Variants in LARS2 observed in about 807,000 individuals in gnomAD.
The protein encoded by LARS2 is leucine--tRNA ligase, mitochondrial.
Under a neutral mutation model 116.6 loss-of-function variants are expected in LARS2, and 81 were observed. That is an observed-to-expected ratio of 0.69 (90% CI 0.58 to 0.84). The LOEUF is 0.84. Among genes scored for constraint, LARS2 ranks in the 40% least tolerant of loss-of-function variants. The pLI is 0.00. For missense variants in LARS2, 968 were observed against 1,114.5 expected, an observed-to-expected ratio of 0.87 and a Z score of 1.87; for synonymous variants, 396 against 407.2, an observed-to-expected ratio of 0.97 and a Z score of 0.33.
At chr3:45,402,496 A>C (rs527245225) in intron 4 of LARS2, among the ~76,000 whole-genome samples, 1 of 152,298 alleles carries the variant, frequency 6.6e-6, no homozygotes, top group Non-Finnish European at 1.5e-5. Flanking sequence ...GCTACTATGA[A>C]CCTGTCAGGG....
intron 4 of LARS2, among the ~76,000 whole-genome samples, chr3:45,403,355 TG>T (rs1475632418): frequency 6.6e-6 from 1 of 151,858 alleles, no homozygotes; most frequent in Non-Finnish European, 1.5e-5. Context: ...TCGCTCTTGT[TG>T]CCCAGGCTGG....
In LARS2 at chr3:45,466,730, T is replaced by C. The variant is rs374969053; in HGVS notation, c.751-7513T>C. Among the ~76,000 whole-genome samples, 3 of 152,094 alleles carry C rather than the reference T, an allele frequency of 2.0e-5. No individual in the cohort carries two copies. The East Asian group carries it at 5.8e-4, about 29-fold the overall frequency. On this transcript the variant is annotated intron_variant, in intron 8 of 21. Coordinates refer to ENST00000645846, the MANE Select transcript of LARS2 (RefSeq NM_015340.4). ...GTCCTGCCTTCTTTTTTATTATTAT[T>C]ATTTGAGACCGAATCTCACTCTGTC...
intron 6 of LARS2, among the ~76,000 whole-genome samples, chr3:45,438,689 G>C (rs943833158): frequency 3.4e-5 from 5 of 148,528 alleles, no homozygotes; most frequent in African/African-American, 9.9e-5. Flanking sequence ...AAAAATTTTA[G>C]CCAGGCATGG....
At chr3:45,536,618 GAA>G (rs1182256239) in intron 20 of LARS2, among the ~76,000 whole-genome samples, 3 of 152,248 alleles carry the variant, frequency 2.0e-5, no homozygotes, top group Non-Finnish European at 4.4e-5. Context: ...AGCTTCGGGA[GAA>G]AAGTGCCTAC....
At chr3:45,531,567 A>G (rs1700615686) in intron 20 of LARS2, among the ~76,000 whole-genome samples, 1 of 150,998 alleles carries the variant, frequency 6.6e-6, no homozygotes, top group African/African-American at 2.4e-5. Context: ...TTCTTTTTAT[A>G]GAGATGGTGT....
At chr3:45,500,116 C>A (rs1700094260) in intron 14 of LARS2, among the ~76,000 whole-genome samples, 1 of 152,138 alleles carries the variant, frequency 6.6e-6, no homozygotes, top group South Asian at 2.1e-4. Flanking sequence ...GTTCTCCTGC[C>A]TCAGCCTCCT....
intron 4 of LARS2, among the ~76,000 whole-genome samples, chr3:45,415,618 C>T (rs1698400124): frequency 6.6e-6 from 1 of 152,060 alleles, no homozygotes; most frequent in Non-Finnish European, 1.5e-5. Flanking sequence ...GAGGCCGAGG[C>T]AGGCAGATCA....
intron 4 of LARS2, among the ~76,000 whole-genome samples, chr3:45,416,264 AAAAAAG>A (rs913147765): frequency 1.1e-4 from 17 of 152,038 alleles, no homozygotes; most frequent in African/African-American, 4.1e-4. Flanking sequence ...TGGAAAAAAA[AAAAAAG>A]AAAGGGATGA....
intron 20 of LARS2, among the ~76,000 whole-genome samples, chr3:45,531,288 C>T (rs1003690810): frequency 6.6e-6 from 1 of 151,904 alleles, no homozygotes; most frequent in African/African-American, 2.4e-5. Flanking sequence ...TAGATTAATC[C>T]AAGTAACATG....
At chr3:45,537,024 CTGTGTG>C (rs5848749) in intron 20 of LARS2, among the ~76,000 whole-genome samples, 3 of 150,146 alleles carry the variant, frequency 2.0e-5, no homozygotes, top group African/African-American at 7.4e-5. Flanking sequence ...TTCTTTTGCT[CTGTGTG>C]TGTGTGTGTG....
At chr3:45,404,366 A>G (rs1698200321) in intron 4 of LARS2, among the ~76,000 whole-genome samples, 1 of 152,214 alleles carries the variant, frequency 6.6e-6, no homozygotes, top group South Asian at 2.1e-4. Flanking sequence ...GGTCATTTTT[A>G]AGTGATGTGG....
intron 20 of LARS2, among the ~76,000 whole-genome samples, chr3:45,533,762 G>A (rs1476030448): frequency 6.6e-6 from 1 of 152,166 alleles, no homozygotes; most frequent in Non-Finnish European, 1.5e-5. Flanking sequence ...TGTACACTGT[G>A]GTTTGCCTCT....
intron 6 of LARS2, among the ~76,000 whole-genome samples, chr3:45,436,225 G>T (rs1698798585): frequency 6.6e-6 from 1 of 151,930 alleles, no homozygotes; most frequent in Non-Finnish European, 1.5e-5. Context: ...CTAACAAATA[G>T]TCCTTATATT....
intron 20 of LARS2, among the ~76,000 whole-genome samples, chr3:45,536,335 C>G (rs757627367): frequency 6.6e-6 from 1 of 152,138 alleles, no homozygotes; most frequent in African/African-American, 2.4e-5. Flanking sequence ...TCTTGAACTC[C>G]TGGGCTTAAG....
chr3:45,449,309 T>C (rs955742420), intron 7 of LARS2, among the ~76,000 whole-genome samples: 1 of 151,942 alleles, frequency 6.6e-6, no homozygotes, highest in Non-Finnish European at 1.5e-5. Flanking sequence ...ATTACAGGCA[T>C]GCGCCACCAC....
At chr3:45,417,007 G>A (rs1698433428) in intron 4 of LARS2, among the ~76,000 whole-genome samples, 1 of 151,234 alleles carries the variant, frequency 6.6e-6, no homozygotes, top group Non-Finnish European at 1.5e-5. Flanking sequence ...CTGGGAGGTG[G>A]AGGTTGCAGT....
At chr3:45,528,236 CT>C (rs1251603957) in intron 20 of LARS2, among the ~76,000 whole-genome samples, 1 of 152,162 alleles carries the variant, frequency 6.6e-6, no homozygotes, top group East Asian at 1.9e-4. Context: ...ACTCGGGAGG[CT>C]GAGGTGGGAG....
chr3:45,396,088 T>C (rs893931822), intron 3 of LARS2, among the ~76,000 whole-genome samples: 6 of 152,262 alleles, frequency 3.9e-5, no homozygotes, highest in African/African-American at 1.2e-4. Flanking sequence ...AATGTTTTGA[T>C]GTTGTAGCTT....
chr3:45,481,665 C>T (rs1326200528), intron 10 of LARS2, among the ~76,000 whole-genome samples: 2 of 151,980 alleles, frequency 1.3e-5, no homozygotes, highest in African/African-American at 2.4e-5. Flanking sequence ...AGTTCTCTTG[C>T]CCCTTTTAAA....
Sources: allele counts gnomAD v4.1 joint callset (sites outside exome capture counted in the v4.1 genomes callset), GRCh38; gene constraint gnomAD v4.1.1; transcripts MANE v1.5; gene names NCBI Gene and HGNC (gene_info 2026-07-23, HGNC 2026-07-21).